RORB: variants seen among roughly 807,000 people sequenced by gnomAD.
RORB encodes the protein nuclear receptor ROR-beta.
RORB carries 6 observed loss-of-function variants against 59.1 expected under a neutral mutation model. The observed-to-expected ratio is 0.10, with a 90% CI of 0.06 to 0.20. RORB has a LOEUF of 0.20. Among genes scored for constraint, RORB ranks in the 10% least tolerant of loss-of-function variants. The pLI is 1.00. For synonymous variants in RORB, 215 were observed against 204.5 expected (o/e 1.05, Z -0.44); for missense variants, 320 against 560.5 (o/e 0.57, Z 4.33).
At chr9:74,605,301 A>C (rs1005860446) in intron 1 of RORB, among the ~76,000 whole-genome samples, 1 of 152,208 alleles carries the variant, frequency 6.6e-6, no homozygotes, top group African/African-American at 2.4e-5. Context: ...CAGGTAGTCA[A>C]ATTTCACGAG....
At chr9:74,562,367 G>A (rs1342046327) in intron 1 of RORB, among the ~76,000 whole-genome samples, 2 of 152,156 alleles carry the variant, frequency 1.3e-5, no homozygotes, top group Non-Finnish European at 2.9e-5. Flanking sequence ...AATCTTCTCT[G>A]TGTGTATGTA....
intron 5 of RORB, among the ~76,000 whole-genome samples, chr9:74,661,862 G>T (rs1402779704): frequency 1.3e-5 from 2 of 151,764 alleles, no homozygotes; most frequent in Non-Finnish European, 2.9e-5. Flanking sequence ...AGCCAGGATG[G>T]TGTCGATCTC....
At chr9:74,537,675 A>G (rs985251212) in intron 1 of RORB, among the ~76,000 whole-genome samples, 2 of 152,076 alleles carry the variant, frequency 1.3e-5, no homozygotes, top group African/African-American at 4.8e-5. Flanking sequence ...GATGAGTTTT[A>G]GCAGTACAGA....
At chr9:74,677,173 G>T (rs189034915) in intron 9 of RORB, among the ~76,000 whole-genome samples, 3 of 152,092 alleles carry the variant, frequency 2.0e-5, no homozygotes, top group African/African-American at 7.2e-5. Flanking sequence ...ATCTAACTCC[G>T]GATGATCAAG....
chr9:74,679,039 A>G (rs1439605789), intron 9 of RORB, among the ~76,000 whole-genome samples: 2 of 150,828 alleles, frequency 1.3e-5, no homozygotes, highest in Non-Finnish European at 3.0e-5. Flanking sequence ...CTCAAAAAAA[A>G]AAAACAAAAA....
chr9:74,535,934 T>C (rs1178743272), intron 1 of RORB, among the ~76,000 whole-genome samples: 1 of 151,992 alleles, frequency 6.6e-6, no homozygotes, highest in Non-Finnish European at 1.5e-5. Context: ...TATCTATAAA[T>C]TATGGATATA....
chr9:74,497,667 AAAAACAAAACC>A lies in RORB; in HGVS notation c.-298_-288del. 1 of 465,352 alleles carries A rather than the reference AAAAACAAAACC, an allele frequency of 2.1e-6. No individual in the cohort carries two copies. The highest frequency in any genetic ancestry group is 3.8e-6 in the Non-Finnish European group (1 of 261,178). 28.8% of individuals were successfully genotyped at this position (465,352 alleles called of 1,614,324 possible). A position where few individuals can be genotyped will look rare whatever the true frequency, so the allele number is the denominator to read the frequency against. ...AAGCACATTGGAGAGAAAGAAAAAG[AAAAACAAAACC>A]AAAACAAAACCCAGGCACCAGACAG... On this transcript the variant is annotated 5_prime_UTR_variant, in exon 1 of 10. Coordinates refer to ENST00000376896, the MANE Select transcript of RORB (RefSeq NM_006914.4).
intron 1 of RORB, among the ~76,000 whole-genome samples, chr9:74,628,840 A>G (rs1054235499): frequency 1.3e-5 from 2 of 152,210 alleles, no homozygotes; most frequent in African/African-American, 2.4e-5. Flanking sequence ...AGGAATCACT[A>G]CATTCTAAAT....
At position 74,675,711 on chromosome 9, in the gene RORB, C is replaced by A. The variant is rs1253132869; in HGVS notation, c.1224+3810C>A. ...TGCAAAGCATACAGTGTGTGCAAAG[C>A]CCGGGTTCAGAGGTCAGCGTGCCCG... On this transcript the variant is annotated intron_variant, in intron 9 of 9. Coordinates refer to ENST00000376896, the MANE Select transcript of RORB (RefSeq NM_006914.4). Among the ~76,000 whole-genome samples, 5 of 152,160 alleles carry A rather than the reference C, an allele frequency of 3.3e-5. No homozygotes were observed. The East Asian group carries it at 9.6e-4, about 29-fold the overall frequency.
At chr9:74,601,180 A>T (rs879112272) in intron 1 of RORB, among the ~76,000 whole-genome samples, 6 of 152,030 alleles carry the variant, frequency 3.9e-5, no homozygotes, top group Non-Finnish European at 8.8e-5. Context: ...AGAAGTAAAC[A>T]GACATGTGCA....
At chr9:74,587,537 T>C (rs893628025) in intron 1 of RORB, among the ~76,000 whole-genome samples, 10 of 152,144 alleles carry the variant, frequency 6.6e-5, no homozygotes, top group Non-Finnish European at 1.0e-4. Context: ...GTGGGTCAAC[T>C]GGGTGGTTCT....
intron 1 of RORB, chr9:74,615,671 A>G (rs936377281): frequency 6.7e-5 from 30 of 449,648 alleles, no homozygotes; most frequent in African/African-American, 5.4e-4. Flanking sequence ...CTCTTCTGAC[A>G]TTTAGCTGTA....
At chr9:74,604,036 C>A (rs576528633) in intron 1 of RORB, among the ~76,000 whole-genome samples, 2 of 119,264 alleles carry the variant, frequency 1.7e-5, no homozygotes, top group Non-Finnish European at 3.6e-5. Context: ...GGAAAGGTAG[C>A]TTAAGCACTA....
chr9:74,599,910 C>T (rs892389707), intron 1 of RORB, among the ~76,000 whole-genome samples: 2 of 152,202 alleles, frequency 1.3e-5, no homozygotes, highest in South Asian at 2.1e-4. Flanking sequence ...TGTGGAGCCA[C>T]TAAGAACCAG....
chr9:74,590,451 C>T (rs961016220), intron 1 of RORB, among the ~76,000 whole-genome samples: 1 of 152,182 alleles, frequency 6.6e-6, no homozygotes, highest in Non-Finnish European at 1.5e-5. Flanking sequence ...AGTGTAAGTC[C>T]TGTTTCTGCC....
chr9:74,553,319 C>G (rs1826640755), intron 1 of RORB, among the ~76,000 whole-genome samples: 1 of 152,146 alleles, frequency 6.6e-6, no homozygotes, highest in Admixed American at 6.6e-5. Flanking sequence ...AACATTTCAT[C>G]TACTTACATA....
At chr9:74,569,512 C>A (rs1321459088) in intron 1 of RORB, among the ~76,000 whole-genome samples, 1 of 151,910 alleles carries the variant, frequency 6.6e-6, no homozygotes, top group Non-Finnish European at 1.5e-5. Flanking sequence ...AAAATATTTA[C>A]CTTGTATTTT....
intron 1 of RORB, among the ~76,000 whole-genome samples, chr9:74,519,993 T>G (rs1175210529): frequency 6.6e-6 from 1 of 151,818 alleles, no homozygotes; most frequent in Non-Finnish European, 1.5e-5. Flanking sequence ...GCACTATATA[T>G]TATCCTTGAA....
chr9:74,648,199 A>T (rs1014757409), intron 4 of RORB, among the ~76,000 whole-genome samples: 2 of 152,182 alleles, frequency 1.3e-5, no homozygotes, highest in African/African-American at 4.8e-5. Context: ...TTGCCTTGAG[A>T]GGAGACATCT....
Sources: allele counts gnomAD v4.1 joint callset (sites outside exome capture counted in the v4.1 genomes callset), GRCh38; gene constraint gnomAD v4.1.1; transcripts MANE v1.5; gene names NCBI Gene and HGNC (gene_info 2026-07-23, HGNC 2026-07-21).